TAF3: variants seen among roughly 807,000 people sequenced by gnomAD.
TAF3 encodes transcription initiation factor TFIID subunit 3.
A neutral mutation model predicts 80.6 loss-of-function variants in TAF3; 7 were observed. The ratio of observed to expected loss-of-function variants is 0.09; its 90% CI spans 0.05 to 0.16. The LOEUF is 0.16. Among genes scored for constraint, TAF3 ranks in the 10% least tolerant of loss-of-function variants. The pLI is 1.00. For synonymous variants in TAF3, 444 were observed against 446.1 expected (o/e 1.00, Z 0.06); for missense variants, 921 against 1,140.2 (o/e 0.81, Z 2.77).
At chr10:7,959,585 T>G (rs1356231627) in intron 2 of TAF3, among the ~76,000 whole-genome samples, 1 of 150,922 alleles carries the variant, frequency 6.6e-6, no homozygotes, top group Non-Finnish European at 1.5e-5. Flanking sequence ...TAATGTTAAG[T>G]TTTTTTTACT....
At chr10:7,821,506 G>A (rs1021820856) in intron 1 of TAF3, among the ~76,000 whole-genome samples, 6 of 152,188 alleles carry the variant, frequency 3.9e-5, no homozygotes, top group Admixed American at 3.3e-4. Context: ...CAAACTGATG[G>A]TGTTTGTTTC....
intron 2 of TAF3, among the ~76,000 whole-genome samples, chr10:7,894,824 T>C (rs1291341233): frequency 6.6e-6 from 1 of 152,154 alleles, no homozygotes; most frequent in Non-Finnish European, 1.5e-5. Context: ...CCTCCAACTT[T>C]TGCTCTTCTG....
rs189588886 is a variant in TAF3 at position 8,005,650 on chromosome 10, A to T, written c.2316-3428A>T. Among the ~76,000 whole-genome samples the T allele has an allele frequency of 2.0e-5, 3 of 152,296 alleles. No individual in the cohort carries two copies. The East Asian group carries it at 5.8e-4, about 29-fold the overall frequency. The stretch of plus-strand genomic sequence containing the variant: ...AGCATCTGTGTTCTGCTTACCTCTC[A>T]GGGTTCCTGCTTTTCCCTTTAGCTT... On this transcript the variant is annotated intron_variant, in intron 4 of 6. Transcript: ENST00000344293.
chr10:7,830,974 G>A (rs1836794049), intron 2 of TAF3, among the ~76,000 whole-genome samples: 1 of 152,170 alleles, frequency 6.6e-6, no homozygotes, highest in Admixed American at 6.5e-5. Context: ...ACCAGATTTA[G>A]GTTTGGCAAG....
chr10:8,000,239 C>T (rs1156831544), intron 4 of TAF3, among the ~76,000 whole-genome samples: 1 of 152,012 alleles, frequency 6.6e-6, no homozygotes, highest in East Asian at 2.0e-4. Flanking sequence ...GCCTCAGCCT[C>T]CTGAGTAGCT....
chr10:7,903,762 T>C (rs1055931228), intron 2 of TAF3, among the ~76,000 whole-genome samples: 1 of 152,194 alleles, frequency 6.6e-6, no homozygotes, highest in East Asian at 1.9e-4. Flanking sequence ...TAAATATGTT[T>C]TATTTAGCCC....
intron 2 of TAF3, among the ~76,000 whole-genome samples, chr10:7,909,441 G>A (rs1564361407): frequency 1.3e-5 from 2 of 152,192 alleles, no homozygotes; most frequent in African/African-American, 2.4e-5. Context: ...TTAAAGACTT[G>A]ATTCTACCAG....
intron 2 of TAF3, among the ~76,000 whole-genome samples, chr10:7,957,465 G>T (rs1838146859): frequency 6.6e-6 from 1 of 152,042 alleles, no homozygotes; most frequent in Non-Finnish European, 1.5e-5. Context: ...CTCTATTATT[G>T]ATGGGTATTA....
chr10:7,889,104 C>T (rs1194204363), intron 2 of TAF3, among the ~76,000 whole-genome samples: 1 of 152,150 alleles, frequency 6.6e-6, no homozygotes, highest in South Asian at 2.1e-4. Flanking sequence ...ACTTCATATC[C>T]TTGTGGACGT....
intron 2 of TAF3, among the ~76,000 whole-genome samples, chr10:7,864,427 T>C (rs1423613733): frequency 6.6e-6 from 1 of 152,240 alleles, no homozygotes; most frequent in African/African-American, 2.4e-5. Context: ...TAGTTAACTC[T>C]TTGTGGTAAG....
intron 2 of TAF3, among the ~76,000 whole-genome samples, chr10:7,892,800 A>G (rs1027299339): frequency 2.7e-5 from 4 of 150,276 alleles, no homozygotes; most frequent in Non-Finnish European, 5.9e-5. Flanking sequence ...TTATTTCAAT[A>G]TATTTTCTTT....
intron 4 of TAF3, among the ~76,000 whole-genome samples, chr10:7,981,300 G>GT (rs1831723520): frequency 6.6e-6 from 1 of 152,020 alleles, no homozygotes; most frequent in Admixed American, 6.6e-5. Context: ...CGGGCAGTGG[G>GT]TCCCCCATGC....
chr10:8,005,858 A>G (rs889303655), intron 4 of TAF3, among the ~76,000 whole-genome samples: 3 of 152,240 alleles, frequency 2.0e-5, no homozygotes, highest in African/African-American at 7.2e-5. Flanking sequence ...ACACATTGAG[A>G]GACAGTGTCA....
In TAF3 at chr10:7,980,110, T is replaced by TG. The variant is rs1330252951; in HGVS notation, c.2315+2794dup. Among the ~76,000 whole-genome samples the TG allele has an allele frequency of 5.3e-5, 8 of 151,968 alleles. 1 individual carries two copies. Among genetic ancestry groups the TG allele is most frequent in the Admixed American group, 1.3e-4 (2 of 15,262 alleles). On this transcript the variant is annotated intron_variant, in intron 4 of 6. Transcript: ENST00000344293. The stretch of plus-strand genomic sequence containing the variant: ...GTGGTTACCCAGTTTGCACACACCT[T>TG]GGGGGGGAATAATACTCTTTTGAAG...
chr10:7,919,698 T>A (rs1380945570), intron 2 of TAF3, among the ~76,000 whole-genome samples: 1 of 152,216 alleles, frequency 6.6e-6, no homozygotes, highest in African/African-American at 2.4e-5. Context: ...CTAGATTATT[T>A]ATAACAGCTA....
chr10:7,871,488 G>A (rs1352605763), intron 2 of TAF3, among the ~76,000 whole-genome samples: 1 of 99,920 alleles, frequency 1.0e-5, no homozygotes, highest in African/African-American at 3.6e-5. Flanking sequence ...TTGTTGCCCA[G>A]GCTAGAGTGC....
chr10:8,011,064 CA>C (rs1349302567), intron 5 of TAF3, among the ~76,000 whole-genome samples: 2 of 152,130 alleles, frequency 1.3e-5, no homozygotes, highest in East Asian at 3.9e-4. Context: ...CACAAACACA[CA>C]ACGAAATATT....
At chr10:7,907,578 G>A (rs1056819200) in intron 2 of TAF3, among the ~76,000 whole-genome samples, 11 of 152,164 alleles carry the variant, frequency 7.2e-5, no homozygotes, top group African/African-American at 2.7e-4. Flanking sequence ...GAAATTATGA[G>A]GGTAATACAA....
chr10:7,839,957 A>T (rs558919040), intron 2 of TAF3, among the ~76,000 whole-genome samples: 1 of 152,182 alleles, frequency 6.6e-6, no homozygotes, highest in South Asian at 2.1e-4. Flanking sequence ...ATTTAAATGG[A>T]CTTTGCCAAA....
Sources: allele counts gnomAD v4.1 joint callset (sites outside exome capture counted in the v4.1 genomes callset), GRCh38; gene constraint gnomAD v4.1.1; transcripts MANE v1.5; gene names NCBI Gene and HGNC (gene_info 2026-07-23, HGNC 2026-07-21).